The following PCBP3 variants were observed in gnomAD, a reference collection of about 807,000 sequenced individuals.
PCBP3 encodes poly(rC) binding protein 3, also known as poly(rC)-binding protein 3.
In PCBP3, 25 loss-of-function variants were observed where a neutral mutation model predicts 52.7. The ratio of observed to expected loss-of-function variants is 0.47; its 90% CI spans 0.35 to 0.66. The LOEUF is 0.66. PCBP3 is among the 30% of genes least tolerant of loss of function. PCBP3 has a pLI of 0.01. For missense variants in PCBP3, 391 were observed against 490.3 expected, an observed-to-expected ratio of 0.80 and a Z score of 1.91; for synonymous variants, 162 against 183.0, an observed-to-expected ratio of 0.89 and a Z score of 0.93.
chr21:45,941,577 GCA>G (rs1376143107), intron 17 of PCBP3, 91 bp from the exon 18 acceptor site: 5 of 1,178,284 alleles, frequency 4.2e-6, no homozygotes, highest in East Asian at 5.0e-5. Flanking sequence ...GTCCCAGCGA[GCA>G]CAGAGGCCAC....
intron 4 of PCBP3, among the ~76,000 whole-genome samples, chr21:45,793,246 G>T (rs2091725117): frequency 6.6e-6 from 1 of 152,116 alleles, no homozygotes; most frequent in Admixed American, 6.6e-5. Context: ...AGGAAAGCAG[G>T]ACTCACAGAA....
chr21:45,902,048 G>C (rs914382905), intron 9 of PCBP3, among the ~76,000 whole-genome samples: 10 of 152,228 alleles, frequency 6.6e-5, no homozygotes, highest in Admixed American at 3.3e-4. Flanking sequence ...GCAGGAGGGG[G>C]AGCTTGGGAG....
intron 5 of PCBP3, among the ~76,000 whole-genome samples, chr21:45,893,297 T>C (rs1377832045): frequency 1.1e-5 from 1 of 88,558 alleles, no homozygotes; most frequent in African/African-American, 4.6e-5. Context: ...CAGCAGGGGC[T>C]GGAGGGTGGG....
intron 2 of PCBP3, among the ~76,000 whole-genome samples, chr21:45,707,569 G>C (rs1413112632): frequency 6.6e-6 from 1 of 152,162 alleles, no homozygotes; most frequent in Non-Finnish European, 1.5e-5. Flanking sequence ...TTCTGACCCA[G>C]TGGATGTGAG....
chr21:45,733,113 T>C (rs1019725325), intron 2 of PCBP3, among the ~76,000 whole-genome samples: 7 of 152,338 alleles, frequency 4.6e-5, no homozygotes, highest in Non-Finnish European at 1.0e-4. Flanking sequence ...TCTTTTGTGG[T>C]CTAATATGGT....
chr21:45,796,913 G>A (rs1266867380), intron 4 of PCBP3, among the ~76,000 whole-genome samples: 2 of 152,288 alleles, frequency 1.3e-5, no homozygotes, highest in East Asian at 1.9e-4. Context: ...GCTCTTGAAG[G>A]CCCTCTTGTG....
chr21:45,817,217 C>T lies in PCBP3; in HGVS notation c.-125-32744C>T, dbSNP rs745864501. 6.6e-6 allele frequency among the ~76,000 whole-genome samples: 1 copy of T among 152,216 alleles called. No homozygotes were observed. The highest frequency in any genetic ancestry group is 6.5e-5 in the Admixed American group (1 of 15,280). Reference sequence around the variant, plus strand: ...CAAGGAAAGTCTTCACTATCCCTTCCTCTAGAACTTAACGTTGTCCTCCTC... The same window carrying T: ...CAAGGAAAGTCTTCACTATCCCTTCTTCTAGAACTTAACGTTGTCCTCCTC... On this transcript the variant is annotated intron_variant, in intron 4 of 17. Transcript: ENST00000681687. This position sits in a 1 kb window ranked among gnomAD's most constrained non-coding sequence, Gnocchi z 4.3.
At chr21:45,903,118 A>G (rs1369704506) in intron 9 of PCBP3, among the ~76,000 whole-genome samples, 1 of 152,200 alleles carries the variant, frequency 6.6e-6, no homozygotes, top group Non-Finnish European at 1.5e-5. Flanking sequence ...ATCTGAGGCC[A>G]GCAGGGCCTG....
chr21:45,940,258 T>C lies in PCBP3; in HGVS notation c.1079+59T>C, dbSNP rs1603579116. On this transcript the variant is annotated intron_variant, in intron 17 of 17. Transcript: ENST00000681687. ...CGGAAAGGGACGCGCCAGCCGGCGT[T>C]ACATCACCTGGACGGTCGGGGGGTG... The C allele has an allele frequency of 2.7e-6, 4 of 1,492,724 alleles. No individual in the cohort carries two copies. The Admixed American group carries it at 5.5e-5, about 20-fold the overall frequency. The allele number at this position is 1,492,724 out of a possible 1,614,324, so 92.5% of individuals were successfully genotyped here.
At chr21:45,816,118 AGTGAGTGGTGAGTGGTGG>A (rs2092946207) in intron 4 of PCBP3, among the ~76,000 whole-genome samples, 1 of 143,314 alleles carries the variant, frequency 7.0e-6, no homozygotes, top group Non-Finnish European at 1.5e-5. Context: ...GTGAGTGGTG[AGTGAGTGGTGAGTGGTGG>A]GTGAGTGAGT....
chr21:45,737,106 A>C lies in PCBP3; in HGVS notation c.-162+1677A>C, dbSNP rs575456094. Among the ~76,000 whole-genome samples the C allele has an allele frequency of 3.3e-5, 5 of 152,138 alleles. No homozygotes were observed. The highest frequency in any genetic ancestry group is 3.3e-4 in the Admixed American group (5 of 15,294). ...TGGGGCAGTGAGGAGGCTGCGGGGCAGGAGGTGAGAGTGCCGCGGGTTAGG... is the reference window on the plus strand; with the variant it reads ...TGGGGCAGTGAGGAGGCTGCGGGGCCGGAGGTGAGAGTGCCGCGGGTTAGG... On this transcript the variant is annotated intron_variant, in intron 3 of 17. Transcript: ENST00000681687. This position sits in a 1 kb window ranked among gnomAD's most constrained non-coding sequence, Gnocchi z 4.9.
chr21:45,806,644 C>G (rs754398592), intron 4 of PCBP3, among the ~76,000 whole-genome samples: 5 of 152,024 alleles, frequency 3.3e-5, no homozygotes, highest in Non-Finnish European at 5.9e-5. Flanking sequence ...GAATGAGGAG[C>G]TGAGTCATGG....
chr21:45,790,637 T>C (rs1201046063), intron 4 of PCBP3, among the ~76,000 whole-genome samples: 2 of 152,096 alleles, frequency 1.3e-5, no homozygotes, highest in African/African-American at 2.4e-5. Context: ...AAGCAGAGTC[T>C]GAGCCTAAGT....
chr21:45,739,212 T>C (rs2086172366), intron 3 of PCBP3, among the ~76,000 whole-genome samples: 1 of 96,990 alleles, frequency 1.0e-5, no homozygotes, highest in African/African-American at 4.1e-5. Flanking sequence ...CTGCCCATTG[T>C]CCTCTGGGTG....
At chr21:45,721,915 A>AGG (rs2084674748) in intron 2 of PCBP3, among the ~76,000 whole-genome samples, 1 of 152,254 alleles carries the variant, frequency 6.6e-6, no homozygotes, top group South Asian at 2.1e-4. Flanking sequence ...GGACTACTGT[A>AGG]GGGAAGCAAG....
At chr21:45,884,362 A>G (rs143367155) in intron 5 of PCBP3, among the ~76,000 whole-genome samples, 3 of 152,132 alleles carry the variant, frequency 2.0e-5, no homozygotes, top group African/African-American at 2.4e-5. Flanking sequence ...ATATATCTGT[A>G]TGGCTTTCTT....
intron 9 of PCBP3, 96 bp downstream of exon 9, chr21:45,901,209 A>AC (rs2096026284): frequency 3.4e-6 from 3 of 873,446 alleles, no homozygotes; most frequent in Non-Finnish European, 5.7e-6. Context: ...GGACTAGGGG[A>AC]TGCCCCAGCC....
intron 10 of PCBP3, among the ~76,000 whole-genome samples, chr21:45,910,311 G>A (rs1883046): frequency 0.32 from 48,643 of 149,704 alleles, 8,868 homozygotes; most frequent in East Asian, 0.67. Context: ...GGACAGGGAG[G>A]AACTAGCTGG....
intron 4 of PCBP3, among the ~76,000 whole-genome samples, chr21:45,823,732 T>TA (rs75118413): frequency 0.78 from 117,219 of 151,138 alleles, 45,668 homozygotes; most frequent in East Asian, 0.94. Flanking sequence ...GTTTTTTTTT[T>TA]ATTTTTTAAT....
Sources: gnomAD v4.1 joint callset for allele counts (sites outside exome capture counted in the v4.1 genomes callset) on GRCh38, gnomAD v4.1.1 for gene constraint, Gnocchi (gnomAD v3.1) non-coding constraint, MANE v1.5 for transcripts, NCBI Gene and HGNC (gene_info 2026-07-23, HGNC 2026-07-21) for gene names.